NPRL3: variants seen among roughly 807,000 people sequenced by gnomAD.
NPRL3 encodes GATOR1 complex protein NPRL3.
NPRL3 carries 23 observed loss-of-function variants against 57.2 expected under a neutral mutation model. That is an observed-to-expected ratio of 0.40 (90% CI 0.29 to 0.57). The LOEUF is 0.57. Among genes scored for constraint, NPRL3 ranks in the 20% least tolerant of loss-of-function variants. NPRL3 has a pLI of 0.42. For synonymous variants in NPRL3, 333 were observed against 321.1 expected (o/e 1.04, Z -0.39); for missense variants, 691 against 767.1 (o/e 0.90, Z 1.17).
chr16:115,546 T>C (rs1389363017), intron 5 of NPRL3, among the ~76,000 whole-genome samples: 1 of 150,800 alleles, frequency 6.6e-6, no homozygotes, highest in Non-Finnish European at 1.5e-5. Flanking sequence ...AGTGCAATGG[T>C]GCGATCTCTG....
intron 8 of NPRL3, among the ~76,000 whole-genome samples, chr16:99,819 A>C (rs1596507527): frequency 6.6e-6 from 1 of 150,520 alleles, no homozygotes; most frequent in African/African-American, 2.4e-5. Context: ...TGTAATCCCA[A>C]CTACTCGGGA....
At chr16:100,264 GGAA>G (rs1899219441) in intron 8 of NPRL3, 105 bp downstream of exon 8, 1 of 1,223,480 alleles carries the variant, frequency 8.2e-7, no homozygotes, top group African/African-American at 1.6e-5. Flanking sequence ...TTCCGCAGTG[GGAA>G]GAAGAAAAAG....
intron 7 of NPRL3, among the ~76,000 whole-genome samples, chr16:107,545 G>A (rs1388095581): frequency 6.8e-6 from 1 of 146,566 alleles, no homozygotes; most frequent in African/African-American, 2.5e-5. Flanking sequence ...TCGGGAGGCT[G>A]AGGCAGAAGA....
At chr16:103,333 C>A in intron 7 of NPRL3, among the ~76,000 whole-genome samples, 2 of 33,142 alleles carry the variant, frequency 6.0e-5, no homozygotes, top group African/African-American at 1.3e-4. Flanking sequence ...TTTGTAGAGA[C>A]AGGGTCTATG....
At chr16:130,478 G>T in intron 3 of NPRL3, 44 bp downstream of exon 3, 1 of 1,529,646 alleles carries the variant, frequency 6.5e-7, no homozygotes, top group Non-Finnish European at 8.8e-7. Flanking sequence ...CCCAGGCCTG[G>T]GACCAGGACA....
chr16:106,616 C>T (rs1303530560), intron 7 of NPRL3, among the ~76,000 whole-genome samples: 1 of 126,086 alleles, frequency 7.9e-6, no homozygotes, highest in East Asian at 2.2e-4. Context: ...TAGAGTGAGA[C>T]CCTGCCTTAA....
chr16:92,572 G>A (rs761146584), intron 11 of NPRL3, 24 bp downstream of exon 11: 3 of 1,610,458 alleles, frequency 1.9e-6, no homozygotes, highest in Admixed American at 1.7e-5. Context: ...GCCACTCTGG[G>A]CTCCTTGAGC....
chr16:130,475 C>G, intron 3 of NPRL3, 47 bp downstream of exon 3: 1 of 1,528,864 alleles, frequency 6.5e-7, no homozygotes, highest in South Asian at 1.2e-5. Flanking sequence ...TTGCCCAGGC[C>G]TGGGACCAGG....
In NPRL3 at chr16:119,180, A is replaced by G; in HGVS notation, c.264T>C (p.Ile88=). 1.2e-6 allele frequency: 2 copies of G among 1,613,196 alleles called. No homozygotes were observed. Among genetic ancestry groups the G allele is most frequent in the Non-Finnish European group, 1.7e-6 (2 of 1,179,568 alleles). Residue 88 remains isoleucine (I), a synonymous_variant, in exon 4 of 14, where the codon ATT becomes ATC. Transcript: ENST00000611875. ...EMCGQKFELK[I]DNVRFVGHPT... ...GGTGCCCAACAAATCGCACATTATC[A>G]ATCTTCAGTTCAAATTTTTGGCCAC... is the stretch of plus-strand genomic sequence containing the variant.
intron 6 of NPRL3, among the ~76,000 whole-genome samples, chr16:111,273 G>A (rs530326430): frequency 2.4e-4 from 36 of 151,864 alleles, no homozygotes; most frequent in African/African-American, 7.2e-4. Context: ...GGTGGCGGGC[G>A]CCTGTAGTCC....
chr16:136,708 A>C (rs1312290641), intron 2 of NPRL3, among the ~76,000 whole-genome samples: 1 of 151,626 alleles, frequency 6.6e-6, no homozygotes, highest in African/African-American at 2.4e-5. Context: ...AAAAAGAAAA[A>C]AGAAATACAT....
At chr16:110,459 T>G in intron 7 of NPRL3, 66 bp downstream of exon 7, 1 of 1,316,034 alleles carries the variant, frequency 7.6e-7, no homozygotes, top group Non-Finnish European at 1.1e-6. Context: ...CTGTTGACGC[T>G]GCTCCTCAGG....
intron 11 of NPRL3, among the ~76,000 whole-genome samples, chr16:92,262 G>T (rs1305230857): frequency 6.6e-6 from 1 of 152,192 alleles, no homozygotes; most frequent in Non-Finnish European, 1.5e-5. Flanking sequence ...CAGTCCCAAA[G>T]GGGTACAAGG....
chr16:125,786 T>C (rs1264390102), intron 3 of NPRL3: 1 of 152,206 alleles, frequency 6.6e-6, no homozygotes, highest in Non-Finnish European at 1.5e-5. Flanking sequence ...ACCTGCTTTC[T>C]TGTGTGTCAA....
At chr16:88,632 T>A in intron 13 of NPRL3, 66 bp downstream of exon 13, 1 of 1,404,090 alleles carries the variant, frequency 7.1e-7, no homozygotes, top group Non-Finnish European at 9.8e-7. Flanking sequence ...GTTGCGTACG[T>A]CCCTATCCAC....
intron 7 of NPRL3, among the ~76,000 whole-genome samples, chr16:105,688 A>C (rs1899495436): frequency 6.6e-6 from 1 of 152,168 alleles, no homozygotes; most frequent in Admixed American, 6.5e-5. Context: ...TGGAATCTAC[A>C]CTGCTGTTAT....
At chr16:94,596 T>G (rs2562178) in intron 9 of NPRL3, among the ~76,000 whole-genome samples, 8,966 of 152,200 alleles carry the variant, frequency 0.059, 432 homozygotes, top group African/African-American at 0.13. Context: ...CCAAAAATTT[T>G]TATTTAATTA....
chr16:122,198 G>C (rs2141965674), intron 3 of NPRL3, among the ~76,000 whole-genome samples: 1 of 152,310 alleles, frequency 6.6e-6, no homozygotes, highest in South Asian at 2.1e-4. Flanking sequence ...TTGGGTTCAA[G>C]CGATTCTACT....
At chr16:134,688 A>ATTTT (rs754866010) in intron 2 of NPRL3, among the ~76,000 whole-genome samples, 4 of 101,852 alleles carry the variant, frequency 3.9e-5, no homozygotes, top group African/African-American at 1.1e-4. Context: ...CACAGTAATT[A>ATTTT]TTATTATTTT....
Sources: allele counts gnomAD v4.1 joint callset (sites outside exome capture counted in the v4.1 genomes callset), GRCh38; gene constraint gnomAD v4.1.1; transcripts MANE v1.5; gene names NCBI Gene and HGNC (gene_info 2026-07-23, HGNC 2026-07-21).